Variants in ARF3 observed in about 807,000 individuals in gnomAD.
ARF3 encodes ADP-ribosylation factor 3.
Under a neutral mutation model 19.3 loss-of-function variants are expected in ARF3, and 5 were observed. The observed-to-expected ratio is 0.26, with a 90% confidence interval of 0.14 to 0.54. The LOEUF (loss-of-function observed/expected upper bound fraction) is 0.54, where lower values mean the gene tolerates loss of function less well. Ranked by LOEUF, ARF3 falls within the 20% of genes least tolerant of loss-of-function variation. The pLI is 0.95. For synonymous variants in ARF3, 71 were observed against 89.2 expected, an observed-to-expected ratio of 0.80 and a Z score of 1.15; for missense variants, 77 against 234.2, an observed-to-expected ratio of 0.33 and a Z score of 4.38.
At chr12:48,956,598 C>G (rs1940571664) in intron 1 of ARF3, 1 of 152,292 alleles carries the variant, frequency 6.6e-6, no homozygotes, top group African/African-American at 2.4e-5. Context: ...GCTCCCTCCT[C>G]CTGTGAGACC....
intron 1 of ARF3, among the ~76,000 whole-genome samples, chr12:48,955,084 C>T (rs2137599306): frequency 1.3e-5 from 2 of 152,276 alleles, no homozygotes; most frequent in Non-Finnish European, 2.9e-5. Context: ...AAAGAAGTTC[C>T]TCCTTCTAAC....
At chr12:48,948,418 T>A (rs1940399588) in intron 1 of ARF3, among the ~76,000 whole-genome samples, 1 of 152,048 alleles carries the variant, frequency 6.6e-6, no homozygotes, top group South Asian at 2.1e-4. Context: ...CGCAGCTAAC[T>A]TTTTTATTTT....
intron 1 of ARF3, among the ~76,000 whole-genome samples, chr12:48,942,832 C>T (rs1196386963): frequency 6.6e-6 from 1 of 152,180 alleles, no homozygotes; most frequent in Non-Finnish European, 1.5e-5. Flanking sequence ...TGAGGCCGAG[C>T]GCAGTGGCTC....
Position 48,938,690 on chromosome 12 carries a change from A to G in ARF3, c.*257T>C, listed in dbSNP as rs1592238157. The G allele has an allele frequency of 2.0e-6, 1 of 497,666 alleles. No individual in the cohort carries two copies. The highest frequency in any genetic ancestry group is 3.7e-6 in the Non-Finnish European group (1 of 271,664). 30.8% of individuals were successfully genotyped at this position (497,666 alleles called of 1,614,324 possible). A position where few individuals can be genotyped will look rare whatever the true frequency, so the allele number is the denominator to read the frequency against. ...GGGTGAGAGAGAGAGGGGCCACCCC[A>G]TGAAACCGTAACAACTTTTTGTTTT... On this transcript the variant is annotated 3_prime_UTR_variant, in exon 5 of 5. Coordinates refer to ENST00000256682, the MANE Select transcript of ARF3 (RefSeq NM_001659.3).
At chr12:48,943,647 A>G (rs1012305507) in intron 1 of ARF3, among the ~76,000 whole-genome samples, 4 of 152,212 alleles carry the variant, frequency 2.6e-5, no homozygotes, top group Non-Finnish European at 5.9e-5. Flanking sequence ...AGCAAATTCC[A>G]GACTAGTGCA....
intron 1 of ARF3, among the ~76,000 whole-genome samples, chr12:48,943,251 A>C (rs959448689): frequency 6.6e-6 from 1 of 152,200 alleles, no homozygotes; most frequent in Non-Finnish European, 1.5e-5. Context: ...TCATTCATTC[A>C]TTCCCTTTCT....
Position 48,938,873 on chromosome 12 carries a change from G to A in ARF3, c.*74C>T. ...CTGGCCACACTTGCATGGAGAGGAA[G>A]GGGTAGGACTGGGGCAGGGTGACAG... is the stretch of plus-strand genomic sequence containing the variant. On this transcript the variant is annotated 3_prime_UTR_variant, in exon 5 of 5. Coordinates refer to ENST00000256682, the MANE Select transcript of ARF3 (RefSeq NM_001659.3). The A allele has an allele frequency of 1.4e-5, 21 of 1,551,184 alleles. No homozygotes were observed. Among genetic ancestry groups the A allele is most frequent in the East Asian group, 2.3e-5 (1 of 44,120 alleles).
At position 48,937,055 on chromosome 12, in the gene ARF3, A is replaced by G. The variant is rs559386605; in HGVS notation, c.*1892T>C. ...CATATACACACACACTCACACACACACACAGGCCTAGAGAGCAAGATACCT... is the reference window on the plus strand; with the variant it reads ...CATATACACACACACTCACACACACGCACAGGCCTAGAGAGCAAGATACCT... On this transcript the variant is annotated 3_prime_UTR_variant, in exon 5 of 5. Transcript: ENST00000256682. 1 of 152,584 alleles carries G rather than the reference A, an allele frequency of 6.6e-6. No homozygotes were observed. Among genetic ancestry groups the G allele is most frequent in the African/African-American group, 2.4e-5 (1 of 41,522 alleles). The allele number at this position is 152,584 out of a possible 1,614,324, so 9.5% of individuals were successfully genotyped here.
At chr12:48,940,161 ACAC>A in intron 2 of ARF3, 54 bp from the exon 3 acceptor site, 8 of 1,428,672 alleles carry the variant, frequency 5.6e-6, no homozygotes, top group Non-Finnish European at 7.9e-6. Context: ...AGCCCCGCAA[ACAC>A]CACCACAATG....
chr12:48,948,223 A>T (rs1940395394), intron 1 of ARF3, among the ~76,000 whole-genome samples: 1 of 151,436 alleles, frequency 6.6e-6, no homozygotes, highest in Non-Finnish European at 1.5e-5. Context: ...AAGAAAAAGA[A>T]AAAAAGACCT....
intron 1 of ARF3, among the ~76,000 whole-genome samples, chr12:48,942,362 T>C (rs1940274564): frequency 6.6e-6 from 1 of 151,812 alleles, no homozygotes; most frequent in Non-Finnish European, 1.5e-5. Flanking sequence ...ATTACAAGCA[T>C]GAGCCACCAT....
chr12:48,939,967 C>T lies in ARF3; in HGVS notation c.259+30G>A. The T allele has an allele frequency of 1.2e-6, 2 of 1,609,218 alleles. No individual in the cohort carries two copies. The highest frequency in any genetic ancestry group is 8.5e-7 in the Non-Finnish European group (1 of 1,175,536). ...AGACAGCCACACTCTCTGCTCATAC[C>T]CAACCAACCCACGCTAGGCCTGAGC... is the stretch of plus-strand genomic sequence containing the variant. On this transcript the variant is annotated intron_variant, in intron 3 of 4. Coordinates refer to ENST00000256682, the MANE Select transcript of ARF3 (RefSeq NM_001659.3). The surrounding 1 kb of genome is among the most constrained non-coding windows in gnomAD (Gnocchi z 4.8).
chr12:48,950,762 A>G (rs1325905435), intron 1 of ARF3, among the ~76,000 whole-genome samples: 1 of 151,884 alleles, frequency 6.6e-6, no homozygotes, highest in Non-Finnish European at 1.5e-5. Context: ...AAAATTGTAC[A>G]ATATGTGTTC....
rs558399107 is a variant in ARF3 at position 48,944,597 on chromosome 12, G to A, written c.-93-3409C>T. On this transcript the variant is annotated intron_variant, in intron 1 of 4. Transcript: ENST00000256682. ...CCCTCTAGTGCCAAGTAGATTGTGGGAGTTCAATTAAGCACATTGGCTGAT... is the reference window on the plus strand; with the variant it reads ...CCCTCTAGTGCCAAGTAGATTGTGGAAGTTCAATTAAGCACATTGGCTGAT... 2.6e-5 allele frequency among the ~76,000 whole-genome samples: 4 copies of A among 152,306 alleles called. No homozygotes were observed. The East Asian group carries it at 7.7e-4, about 29-fold the overall frequency.
Position 48,938,839 on chromosome 12 carries a change from C to A in ARF3, c.*108G>T. The A allele has an allele frequency of 7.0e-7, 1 of 1,434,048 alleles. No individual in the cohort carries two copies. 88.8% of individuals were successfully genotyped at this position (1,434,048 alleles called of 1,614,324 possible). A position where few individuals can be genotyped will look rare whatever the true frequency, so the allele number is the denominator to read the frequency against. ...TCTTGCTGGGCATGTGGACATGATA[C>A]CCAGGGCCCTGGCCACACTTGCATG... On this transcript the variant is annotated 3_prime_UTR_variant, in exon 5 of 5. Coordinates refer to ENST00000256682, the MANE Select transcript of ARF3 (RefSeq NM_001659.3).
Position 48,939,932 on chromosome 12 carries a change from C to G in ARF3, c.259+65G>C. The G allele has an allele frequency of 6.3e-7, 1 of 1,586,114 alleles. No individual in the cohort carries two copies. The highest frequency in any genetic ancestry group is 8.7e-7 in the Non-Finnish European group (1 of 1,154,928). Reference sequence around the variant, plus strand: ...CTGCAGCAGGGTAACAGTTGGCCACCCATTAACAAAGACAGCCACACTCTC... The same window carrying G: ...CTGCAGCAGGGTAACAGTTGGCCACGCATTAACAAAGACAGCCACACTCTC... On this transcript the variant is annotated intron_variant, in intron 3 of 4. Transcript: ENST00000256682. The surrounding 1 kb of genome is among the most constrained non-coding windows in gnomAD (Gnocchi z 4.8).
At chr12:48,940,488 G>A (rs1277754485) in intron 2 of ARF3, among the ~76,000 whole-genome samples, 2 of 152,208 alleles carry the variant, frequency 1.3e-5, no homozygotes, top group Non-Finnish European at 2.9e-5. Context: ...TGAAGAAAGG[G>A]AAGTAAGCTG....
At chr12:48,949,023 A>T (rs74623141) in intron 1 of ARF3, among the ~76,000 whole-genome samples, 1 of 152,240 alleles carries the variant, frequency 6.6e-6, no homozygotes, top group Non-Finnish European at 1.5e-5. Flanking sequence ...GTTGTCAACT[A>T]CAAGTGGAGA....
intron 1 of ARF3, chr12:48,955,609 C>T (rs1940549875): frequency 6.6e-6 from 1 of 152,166 alleles, no homozygotes. Context: ...GACAGCCAAG[C>T]CATCTCTTGC....
Sources: gnomAD v4.1 joint callset for allele counts (sites outside exome capture counted in the v4.1 genomes callset) on GRCh38, gnomAD v4.1.1 for gene constraint, Gnocchi (gnomAD v3.1) non-coding constraint, MANE v1.5 for transcripts, NCBI Gene and HGNC (gene_info 2026-07-23, HGNC 2026-07-21) for gene names.